PTPRF: variants seen among roughly 807,000 people sequenced by gnomAD.
The protein encoded by PTPRF is receptor-type tyrosine-protein phosphatase F.
Under a neutral mutation model 201.8 loss-of-function variants are expected in PTPRF, and 59 were observed. The observed-to-expected ratio is 0.29, with a 90% CI of 0.24 to 0.36. PTPRF has a LOEUF of 0.36. PTPRF is among the 10% of genes least tolerant of loss of function. The pLI is 1.00. For missense variants in PTPRF, 2,132 were observed against 2,690.5 expected, an observed-to-expected ratio of 0.79 and a Z score of 4.59; for synonymous variants, 1,088 against 1,089.7, an observed-to-expected ratio of 1.00 and a Z score of 0.03.
chr1:43,602,088 C>A lies in PTPRF; in HGVS notation c.2331C>A (p.Ser777=), dbSNP rs753146962. 6.2e-7 allele frequency: 1 copy of A among 1,613,648 alleles called. No homozygotes were observed. Among genetic ancestry groups the A allele is most frequent in the South Asian group, 1.1e-5 (1 of 91,068 alleles). ...GCGGTCAGTGGCGGCCAGAGGAGTC[C>A]GAGGACTATGTAAGTAACAGGTGTG... ...LAEAQWRPEE[S]EDYETTISGL... The change falls in exon 14 of 34, where the codon TCC becomes TCA. Residue 777 remains serine (S), a synonymous_variant. Coordinates refer to ENST00000359947, the MANE Select transcript of PTPRF (RefSeq NM_002840.5).
At chr1:43,560,237 G>T (rs1645710005) in intron 5 of PTPRF, among the ~76,000 whole-genome samples, 1 of 151,594 alleles carries the variant, frequency 6.6e-6, no homozygotes, top group South Asian at 2.1e-4. Context: ...GGCCGTGTGT[G>T]TGTGCAGCAG....
Position 43,591,116 on chromosome 1 carries a change from A to G in PTPRF, c.1094A>G (p.Glu365Gly), listed in dbSNP as rs1331433592. The change falls in exon 9 of 34, where the codon GAG becomes GGG. Residue 365 changes from glutamate to glycine, a missense_variant. Coordinates refer to ENST00000359947, the MANE Select transcript of PTPRF (RefSeq NM_002840.5). ...GCGGGCACGGAGGGCCCCTTTCAGGAGGTGGATGGTGTGGCCACCACCCGC... is the reference window on the plus strand; with the variant it reads ...GCGGGCACGGAGGGCCCCTTTCAGGGGGTGGATGGTGTGGCCACCACCCGC... Reference protein sequence around the residue: ...RAAGTEGPFQEVDGVATTRYS... With the variant: ...RAAGTEGPFQGVDGVATTRYS... The G allele has an allele frequency of 6.2e-7, 1 of 1,613,798 alleles. No individual in the cohort carries two copies. Among genetic ancestry groups the G allele is most frequent in the East Asian group, 2.2e-5 (1 of 44,880 alleles).
At chr1:43,614,357 G>C (rs1657213122) in intron 23 of PTPRF, among the ~76,000 whole-genome samples, 1 of 152,308 alleles carries the variant, frequency 6.6e-6, no homozygotes, top group Middle Eastern at 3.4e-3. Flanking sequence ...CCTCGAGACT[G>C]GCTGCTCAGG....
chr1:43,608,347 TC>T (rs1355352321), intron 21 of PTPRF, among the ~76,000 whole-genome samples: 1 of 152,208 alleles, frequency 6.6e-6, no homozygotes, highest in Non-Finnish European at 1.5e-5. Flanking sequence ...TAGGAGTTGT[TC>T]CTTCTCTCTT....
rs538508465 is a variant in PTPRF at position 43,547,839 on chromosome 1, C to T, written c.91+2673C>T. On this transcript the variant is annotated intron_variant, in intron 3 of 33. Transcript: ENST00000359947. ...CACATTGGGGTAGGATCTGCTGCAG[C>T]GCAGCTTCCCCAGCCAGGCTTTGTG... Among the ~76,000 whole-genome samples the T allele has an allele frequency of 2.8e-3, 423 of 152,308 alleles. 1 individual carries two copies. Among genetic ancestry groups the T allele is most frequent in the Non-Finnish European group, 2.6e-3 (177 of 68,032 alleles).
At position 43,620,549 on chromosome 1, in the gene PTPRF, C is replaced by G; in HGVS notation, c.5334C>G (p.Ile1778Met). 1 of 1,614,132 alleles carries G rather than the reference C, an allele frequency of 6.2e-7. No individual in the cohort carries two copies. Among genetic ancestry groups the G allele is most frequent in the South Asian group, 1.1e-5 (1 of 91,086 alleles). ...CTGAGTACAACATGCCCCAGTATAT[C>G]CTGCGTGAGTTCAAGGTCACGGATG... ...PMAEYNMPQYILREFKVTDAR... is the reference protein window; with the variant it reads ...PMAEYNMPQYMLREFKVTDAR... Residue 1778 changes from isoleucine (I) to methionine (M), a missense_variant, in exon 31 of 34, where the codon ATC becomes ATG. Coordinates refer to ENST00000359947, the MANE Select transcript of PTPRF (RefSeq NM_002840.5).
At chr1:43,578,219 G>A (rs969360245) in intron 6 of PTPRF, among the ~76,000 whole-genome samples, 1 of 152,254 alleles carries the variant, frequency 6.6e-6, no homozygotes, top group Non-Finnish European at 1.5e-5. Flanking sequence ...GGGCTGAGGA[G>A]TGGAGCTGGA....
At chr1:43,544,566 T>C (rs1450045963) in intron 2 of PTPRF, among the ~76,000 whole-genome samples, 1 of 152,186 alleles carries the variant, frequency 6.6e-6, no homozygotes, top group Non-Finnish European at 1.5e-5. Context: ...CCAGGGAGAC[T>C]CCAGAGTCAG....
Position 43,604,986 on chromosome 1 carries a change from G to T in PTPRF, c.3121G>T (p.Ala1041Ser), listed in dbSNP as rs1428406780. The T allele has an allele frequency of 1.2e-6, 2 of 1,614,086 alleles. No individual in the cohort carries two copies. The highest frequency in any genetic ancestry group is 2.2e-5 in the East Asian group (1 of 44,882). Residue 1041 changes from alanine (A) to serine (S), a missense_variant, in exon 17 of 34, where the codon GCT becomes TCT. Ala to Ser is a moderately conservative substitution (Grantham distance 99, BLOSUM62 1). Coordinates refer to ENST00000359947, the MANE Select transcript of PTPRF (RefSeq NM_002840.5). ...GGAGGTTCCCGACTCCTATAAGTCA[G>T]CTGTGCCCTTTAAGGTGAGTAAGGG... is the stretch of plus-strand genomic sequence containing the variant. ...SWEVPDSYKS[A>S]VPFKILYNGQ...
chr1:43,580,710 A>C (rs1033190132), intron 7 of PTPRF, among the ~76,000 whole-genome samples: 3 of 152,230 alleles, frequency 2.0e-5, no homozygotes, highest in South Asian at 2.1e-4. Context: ...CTTCTCAAAG[A>C]TCTGCCTCCT....
upstream of PTPRF, among the ~76,000 whole-genome samples, chr1:43,522,409 T>C (rs1642983028): frequency 6.6e-6 from 1 of 152,214 alleles, no homozygotes; most frequent in African/African-American, 2.4e-5. Context: ...CTGCCTTTCC[T>C]TGGTCTCCAG....
chr1:43,596,861 G>A (rs1005810363), intron 11 of PTPRF, among the ~76,000 whole-genome samples: 6 of 152,360 alleles, frequency 3.9e-5, no homozygotes, highest in Middle Eastern at 3.4e-3. Flanking sequence ...TCGTGTGAGA[G>A]ATGCTGTGTC....
rs1180724695 is a variant in PTPRF, at chr1:43,597,769, A to G, written c.1835A>G (p.Lys612Arg). The change falls in exon 12 of 34, where the codon AAG (lysine) becomes AGG (arginine). Residue 612 changes from lysine (K) to arginine (R), a missense_variant. Lys to Arg is a conservative substitution (Grantham distance 26). Transcript: ENST00000359947. ...AQSTPSAPPQ[K>R]VMCVSMGSTT... is the part of the protein sequence containing the mutation. ...CCAGCCCCCTCCGCCCCTCCCCAGAAGGTGATGTGTGTGAGCATGGGCTCC... is the reference window on the plus strand; with the variant it reads ...CCAGCCCCCTCCGCCCCTCCCCAGAGGGTGATGTGTGTGAGCATGGGCTCC... The G allele has an allele frequency of 6.2e-7, 1 of 1,600,048 alleles. No homozygotes were observed. The highest frequency in any genetic ancestry group is 8.5e-7 in the Non-Finnish European group (1 of 1,173,418).
intron 1 of PTPRF, among the ~76,000 whole-genome samples, chr1:43,532,343 T>G (rs2153948722): frequency 6.6e-6 from 1 of 152,126 alleles, no homozygotes; most frequent in South Asian, 2.1e-4. Flanking sequence ...AGCTGTGAAA[T>G]GGGAGAGGGA....
intron 3 of PTPRF, among the ~76,000 whole-genome samples, chr1:43,549,187 G>A (rs1005666304): frequency 6.6e-6 from 1 of 152,232 alleles, no homozygotes; most frequent in Non-Finnish European, 1.5e-5. Context: ...CTCCTGGTGT[G>A]CTCTGGTGGC....
At chr1:43,574,135 TA>T (rs1646768685) in intron 6 of PTPRF, among the ~76,000 whole-genome samples, 1 of 151,820 alleles carries the variant, frequency 6.6e-6, no homozygotes, top group East Asian at 1.9e-4. Context: ...TAGCTGGGAT[TA>T]CAAGCATGAG....
At chr1:43,576,824 G>C (rs1646960264) in intron 6 of PTPRF, among the ~76,000 whole-genome samples, 1 of 152,142 alleles carries the variant, frequency 6.6e-6, no homozygotes, top group Non-Finnish European at 1.5e-5. Flanking sequence ...TCAGTGTCTG[G>C]GCACATCTAG....
At position 43,537,326 on chromosome 1, in the gene PTPRF, T is replaced by C. The variant is rs547504933; in HGVS notation, c.-125-872T>C. Among the ~76,000 whole-genome samples the C allele has an allele frequency of 6.6e-6, 1 of 152,320 alleles. No individual in the cohort carries two copies. Among genetic ancestry groups the C allele is most frequent in the South Asian group, 2.1e-4 (1 of 4,820 alleles). Reference sequence around the variant, plus strand: ...GGGCACGCCTTCATTTTAAAAATTATAGAGTAGAGAAAGTCAAAAATAAAT... The same window carrying C: ...GGGCACGCCTTCATTTTAAAAATTACAGAGTAGAGAAAGTCAAAAATAAAT... On this transcript the variant is annotated intron_variant, in intron 1 of 33. Transcript: ENST00000359947. The surrounding 1 kb of genome is among the most constrained non-coding windows in gnomAD (Gnocchi z 4.8).
chr1:43,613,842 G>A (rs1657082263), intron 23 of PTPRF, 127 bp downstream of exon 23: 1 of 824,092 alleles, frequency 1.2e-6, no homozygotes, highest in South Asian at 1.5e-5. Flanking sequence ...AGCACAGAGA[G>A]GAGGGTTGGC....
Sources: allele counts gnomAD v4.1 joint callset (sites outside exome capture counted in the v4.1 genomes callset), GRCh38; gene constraint gnomAD v4.1.1; non-coding constraint Gnocchi (gnomAD v3.1); transcripts MANE v1.5; gene names NCBI Gene and HGNC (gene_info 2026-07-23, HGNC 2026-07-21).